Variants in RGS7 observed in about 807,000 individuals in gnomAD.
RGS7 encodes the protein regulator of G protein signaling 7.
RGS7 carries 27 observed loss-of-function variants against 81.1 expected under a neutral mutation model. The observed-to-expected ratio is 0.33, with a 90% CI of 0.25 to 0.46. The LOEUF is 0.46. RGS7 is among the 20% of genes least tolerant of loss of function. RGS7 has a pLI of 1.00. For missense variants in RGS7, 396 were observed against 607.4 expected, an observed-to-expected ratio of 0.65 and a Z score of 3.66; for synonymous variants, 208 against 207.7, an observed-to-expected ratio of 1.00 and a Z score of -0.01.
At position 240,813,721 on chromosome 1, in the gene RGS7, T is replaced by C; in HGVS notation, c.853A>G (p.Ser285Gly). Residue 285 changes from serine (S) to glycine (G), a missense_variant, in exon 13 of 19, where the codon AGT becomes GGT. Physicochemically the swap from Ser to Gly is moderately conservative, Grantham distance 56. Transcript: ENST00000440928. Reference protein sequence around the residue: ...KMSKVADSLLSYTEQYLEYDP... With the variant: ...KMSKVADSLLGYTEQYLEYDP... ...TATTCTAAATACTGTTCCGTGTAAC[T>C]TAGTAGACTAAGGAGAAAAAACATT... The C allele has an allele frequency of 6.2e-7, 1 of 1,605,040 alleles. No homozygotes were observed. Among genetic ancestry groups the C allele is most frequent in the East Asian group, 2.2e-5 (1 of 44,838 alleles).
rs543741197 is a variant in RGS7 at position 240,886,304 on chromosome 1, C to A, written c.386-16185G>T. 2.6e-4 allele frequency among the ~76,000 whole-genome samples: 39 copies of A among 152,280 alleles called. 1 individual carries two copies. In the Middle Eastern group the frequency reaches 0.014, roughly 53 times the overall value. ...CAATAATCCATCCAGTGGAACATGA[C>A]ACCCAATGGATAAGCCCAGAGGAGC... On this transcript the variant is annotated intron_variant, in intron 6 of 18. Coordinates refer to ENST00000440928, the MANE Select transcript of RGS7 (RefSeq NM_001364886.1).
intron 3 of RGS7, among the ~76,000 whole-genome samples, chr1:241,009,384 T>C (rs2058843750): frequency 6.6e-6 from 1 of 152,200 alleles, no homozygotes; most frequent in Admixed American, 6.5e-5. Context: ...TACATGACCA[T>C]TCTCAGCTTT....
chr1:240,976,838 TTATC>T (rs1684157174), intron 4 of RGS7, among the ~76,000 whole-genome samples: 1 of 136,702 alleles, frequency 7.3e-6, no homozygotes, highest in Non-Finnish European at 1.6e-5. Flanking sequence ...TACCTATCAT[TTATC>T]TATCATCTAT....
chr1:241,288,874 C>T (rs941526226), intron 2 of RGS7, among the ~76,000 whole-genome samples: 1 of 152,158 alleles, frequency 6.6e-6, no homozygotes, highest in Non-Finnish European at 1.5e-5. Flanking sequence ...GAAATGTTCC[C>T]TACCTGCTCC....
chr1:240,926,616 T>C (rs1486539668), intron 6 of RGS7, among the ~76,000 whole-genome samples: 1 of 152,200 alleles, frequency 6.6e-6, no homozygotes, highest in Admixed American at 6.5e-5. Flanking sequence ...TTGCTACAAC[T>C]GACACTGTCT....
chr1:241,060,633 T>C (rs2061692997), intron 3 of RGS7, among the ~76,000 whole-genome samples: 1 of 152,172 alleles, frequency 6.6e-6, no homozygotes, highest in African/African-American at 2.4e-5. Flanking sequence ...TAGTATACTC[T>C]ATGAGACGTA....
chr1:240,795,747 C>A (rs917962568), intron 18 of RGS7, among the ~76,000 whole-genome samples: 1 of 151,960 alleles, frequency 6.6e-6, no homozygotes, highest in African/African-American at 2.4e-5. Flanking sequence ...GAAAAATAGT[C>A]AATTATTTGG....
intron 9 of RGS7, among the ~76,000 whole-genome samples, chr1:240,831,705 G>A (rs927750844): frequency 9.4e-5 from 14 of 149,000 alleles, no homozygotes; most frequent in Non-Finnish European, 1.5e-4. Flanking sequence ...GCGCAATCTC[G>A]GCTCACTGCA....
chr1:241,264,954 G>A (rs1252201742), intron 2 of RGS7, among the ~76,000 whole-genome samples: 1 of 152,214 alleles, frequency 6.6e-6, no homozygotes, highest in Non-Finnish European at 1.5e-5. Flanking sequence ...GGCTCCCATA[G>A]ATCCTGGAGC....
intron 2 of RGS7, among the ~76,000 whole-genome samples, chr1:241,312,356 T>G (rs2080588726): frequency 6.6e-6 from 1 of 152,194 alleles, no homozygotes. Context: ...TTGTAGATAT[T>G]GCATTTTTTA....
chr1:241,258,164 A>T (rs1245633534), intron 2 of RGS7, among the ~76,000 whole-genome samples: 1 of 152,130 alleles, frequency 6.6e-6, no homozygotes, highest in Non-Finnish European at 1.5e-5. Context: ...ATTTAGATTT[A>T]TGGAAGCTGG....
intron 9 of RGS7, among the ~76,000 whole-genome samples, chr1:240,833,101 A>G (rs1694118934): frequency 6.6e-6 from 1 of 152,222 alleles, no homozygotes; most frequent in African/African-American, 2.4e-5. Flanking sequence ...AAATAATAAA[A>G]TATGCCAGCC....
intron 6 of RGS7, chr1:240,919,899 G>T: frequency 1.1e-5 from 12 of 1,095,138 alleles, no homozygotes; most frequent in Non-Finnish European, 1.7e-5. Context: ...TGGGAGAGTT[G>T]TGGAACCAAA....
rs186808992 is a variant in RGS7, at chr1:241,352,329, G to A, written c.78+3370C>T. ...AATCTAGTTAGGGGCCTGACTGAAG[G>A]AGGCCTAAAAAGTGCCAGGAATAAA... On this transcript the variant is annotated intron_variant, in intron 2 of 18. Transcript: ENST00000440928. Among the ~76,000 whole-genome samples, 4 of 152,260 alleles carry A rather than the reference G, an allele frequency of 2.6e-5. No homozygotes were observed. In the East Asian group the frequency reaches 7.7e-4, roughly 29 times the overall value.
At chr1:241,003,302 A>T (rs2058508767) in intron 3 of RGS7, among the ~76,000 whole-genome samples, 1 of 151,972 alleles carries the variant, frequency 6.6e-6, no homozygotes, top group African/African-American at 2.4e-5. Flanking sequence ...TCTACTAAAA[A>T]TACAAAAAAT....
At position 240,836,758 on chromosome 1, in the gene RGS7, T is replaced by A. The variant is rs924012204; in HGVS notation, c.610-9586A>T. ...TGGCCTGTCCTTTTGTGCCATTGCGTTTTTGCATTATCACTGGTGGTATGA... is the reference window on the plus strand; with the variant it reads ...TGGCCTGTCCTTTTGTGCCATTGCGATTTTGCATTATCACTGGTGGTATGA... On this transcript the variant is annotated intron_variant, in intron 9 of 18. Coordinates refer to ENST00000440928, the MANE Select transcript of RGS7 (RefSeq NM_001364886.1). Among the ~76,000 whole-genome samples, 18 of 152,338 alleles carry A rather than the reference T, an allele frequency of 1.2e-4. 1 individual carries two copies. Among genetic ancestry groups the A allele is most frequent in the Middle Eastern group, 3.4e-3 (1 of 294 alleles).
At chr1:241,237,096 A>G (rs969839972) in intron 2 of RGS7, among the ~76,000 whole-genome samples, 1 of 152,240 alleles carries the variant, frequency 6.6e-6, no homozygotes, top group African/African-American at 2.4e-5. Flanking sequence ...GAGAAGGAAG[A>G]AAAGAAAATA....
chr1:240,936,039 GAAT>G (rs1466482915), intron 5 of RGS7, among the ~76,000 whole-genome samples: 1 of 152,176 alleles, frequency 6.6e-6, no homozygotes, highest in Admixed American at 6.5e-5. Flanking sequence ...TTGCCAGAAA[GAAT>G]AATAGCATCT....
chr1:241,232,544 A>C (rs1463484741), intron 2 of RGS7, among the ~76,000 whole-genome samples: 1 of 152,052 alleles, frequency 6.6e-6, no homozygotes, highest in East Asian at 1.9e-4. Flanking sequence ...TGCCTGATAA[A>C]TGTAGGCTGG....
Sources: allele counts gnomAD v4.1 joint callset (sites outside exome capture counted in the v4.1 genomes callset), GRCh38; gene constraint gnomAD v4.1.1; transcripts MANE v1.5; gene names NCBI Gene and HGNC (gene_info 2026-07-23, HGNC 2026-07-21).